The following CCSER1 variants were observed in gnomAD, a reference collection of about 807,000 sequenced individuals.
CCSER1 encodes the protein coiled-coil serine rich protein 1, also known as serine-rich coiled-coil domain-containing protein 1.
A neutral mutation model predicts 82.0 loss-of-function variants in CCSER1; 41 were observed. The ratio of observed to expected loss-of-function variants is 0.50; its 90% CI spans 0.39 to 0.65. The LOEUF is 0.65. Ranked by LOEUF, CCSER1 falls within the 30% of genes least tolerant of loss-of-function variation. The probability of loss-of-function intolerance (pLI) is 0.00; values close to 1 mark genes in which losing one functional copy is unlikely to be tolerated. For synonymous variants in CCSER1, 414 were observed against 383.9 expected (o/e 1.08, Z -0.92); for missense variants, 1,119 against 1,064.2 (o/e 1.05, Z -0.72).
intron 10 of CCSER1, among the ~76,000 whole-genome samples, chr4:91,282,667 G>A (rs954423590): frequency 3.3e-4 from 50 of 152,192 alleles, no homozygotes; most frequent in African/African-American, 1.2e-3. Context: ...ATGCAATCGT[G>A]CAAATATTTG....
chr4:91,338,791 T>A (rs1473236407), intron 10 of CCSER1, among the ~76,000 whole-genome samples: 2 of 152,130 alleles, frequency 1.3e-5, no homozygotes, highest in African/African-American at 2.4e-5. Flanking sequence ...TTTCCCAAAA[T>A]AAAGACTAGA....
intron 7 of CCSER1, among the ~76,000 whole-genome samples, chr4:90,810,369 CA>C (rs1758094461): frequency 6.6e-6 from 1 of 151,952 alleles, no homozygotes; most frequent in African/African-American, 2.4e-5. Context: ...TCAGTGAGGC[CA>C]GGAACAGTGG....
chr4:90,316,888 A>G (rs1012844782), intron 3 of CCSER1, among the ~76,000 whole-genome samples: 7 of 152,230 alleles, frequency 4.6e-5, no homozygotes, highest in African/African-American at 1.4e-4. Context: ...GCTTAGGTTT[A>G]TTAAAGGAAT....
chr4:91,197,807 C>A (rs1021352217), intron 10 of CCSER1, among the ~76,000 whole-genome samples: 2 of 152,138 alleles, frequency 1.3e-5, no homozygotes, highest in Non-Finnish European at 2.9e-5. Flanking sequence ...TTAGTCTTGA[C>A]ATTCACACAG....
intron 5 of CCSER1, among the ~76,000 whole-genome samples, chr4:90,518,652 G>C (rs2153622544): frequency 6.6e-6 from 1 of 152,012 alleles, no homozygotes; most frequent in South Asian, 2.1e-4. Context: ...CTGTGGCTTT[G>C]TCTTGATTTG....
At chr4:91,260,655 G>A (rs1213426437) in intron 10 of CCSER1, among the ~76,000 whole-genome samples, 5 of 152,164 alleles carry the variant, frequency 3.3e-5, no homozygotes, top group Non-Finnish European at 2.9e-5. Context: ...TACGGCAAAA[G>A]ACTCTAAAGA....
chr4:91,081,133 C>A (rs1445895523), intron 9 of CCSER1, among the ~76,000 whole-genome samples: 1 of 152,124 alleles, frequency 6.6e-6, no homozygotes, highest in Non-Finnish European at 1.5e-5. Flanking sequence ...CAATATCCCT[C>A]ATGAACATCG....
intron 1 of CCSER1, among the ~76,000 whole-genome samples, chr4:90,274,981 A>G (rs770180389): frequency 3.9e-5 from 6 of 152,158 alleles, no homozygotes; most frequent in Non-Finnish European, 5.9e-5. Context: ...TAAAAGCACT[A>G]AAAATGGGAA....
At chr4:90,553,447 T>G (rs1275254147) in intron 5 of CCSER1, among the ~76,000 whole-genome samples, 2 of 152,218 alleles carry the variant, frequency 1.3e-5, no homozygotes, top group African/African-American at 4.8e-5. Flanking sequence ...ATAAATTACT[T>G]AATATTATTT....
At chr4:90,605,540 C>A (rs1387798541) in intron 5 of CCSER1, among the ~76,000 whole-genome samples, 1 of 152,094 alleles carries the variant, frequency 6.6e-6, no homozygotes, top group Non-Finnish European at 1.5e-5. Context: ...CAAATCCAGT[C>A]TAAAATGTAA....
At chr4:90,842,420 G>A (rs1208677323) in intron 8 of CCSER1, among the ~76,000 whole-genome samples, 1 of 152,108 alleles carries the variant, frequency 6.6e-6, no homozygotes, top group East Asian at 1.9e-4. Flanking sequence ...AAAGTAGTGG[G>A]AATGTAGATG....
At chr4:90,555,791 A>G (rs1294094513) in intron 5 of CCSER1, among the ~76,000 whole-genome samples, 2 of 152,080 alleles carry the variant, frequency 1.3e-5, no homozygotes, top group South Asian at 2.1e-4. Context: ...ATACATATCA[A>G]TATACATAAT....
chr4:90,173,952 G>A (rs1732209754), intron 1 of CCSER1, among the ~76,000 whole-genome samples: 1 of 151,862 alleles, frequency 6.6e-6, no homozygotes, highest in African/African-American at 2.4e-5. Flanking sequence ...TACCATTTCA[G>A]TACTTCCTGA....
At chr4:91,153,833 A>C (rs1208928557) in intron 10 of CCSER1, among the ~76,000 whole-genome samples, 1 of 151,910 alleles carries the variant, frequency 6.6e-6, no homozygotes, top group Non-Finnish European at 1.5e-5. Flanking sequence ...CAAATATTAC[A>C]GAACGGCATA....
chr4:91,049,520 G>A (rs150293681), intron 9 of CCSER1, among the ~76,000 whole-genome samples: 4 of 152,156 alleles, frequency 2.6e-5, no homozygotes, highest in Admixed American at 6.5e-5. Flanking sequence ...TCAAAAACAC[G>A]TTTGGTGGTC....
At chr4:91,531,045 A>G (rs908826557) in intron 10 of CCSER1, among the ~76,000 whole-genome samples, 2 of 152,164 alleles carry the variant, frequency 1.3e-5, no homozygotes, top group Non-Finnish European at 2.9e-5. Context: ...TATTTATTGA[A>G]GATGTACTAG....
chr4:90,206,087 T>C (rs913752304), intron 1 of CCSER1, among the ~76,000 whole-genome samples: 11 of 151,630 alleles, frequency 7.3e-5, no homozygotes, highest in Non-Finnish European at 1.2e-4. Context: ...TTCTTCTCTC[T>C]TTTCTTCTTT....
chr4:90,662,120 TC>T (rs1453537008), intron 6 of CCSER1, among the ~76,000 whole-genome samples: 2 of 151,398 alleles, frequency 1.3e-5, no homozygotes, highest in Non-Finnish European at 2.9e-5. Flanking sequence ...TGCCTCAGCC[TC>T]CCAAGTAGCT....
intron 1 of CCSER1, among the ~76,000 whole-genome samples, chr4:90,162,755 A>T (rs1330940369): frequency 1.3e-5 from 2 of 152,066 alleles, no homozygotes; most frequent in South Asian, 2.1e-4. Context: ...ACCAAAAAAA[A>T]TTCATTTTTT....
Sources: gnomAD v4.1 joint callset for allele counts (sites outside exome capture counted in the v4.1 genomes callset) on GRCh38, gnomAD v4.1.1 for gene constraint, MANE v1.5 for transcripts, NCBI Gene and HGNC (gene_info 2026-07-23, HGNC 2026-07-21) for gene names.